The following ADAMTS2 variants were observed in gnomAD, a reference collection of about 807,000 sequenced individuals.
ADAMTS2 encodes A disintegrin and metalloproteinase with thrombospondin motifs 2.
ADAMTS2 carries 50 observed loss-of-function variants against 123.0 expected under a neutral mutation model. That is an observed-to-expected ratio of 0.41 (90% CI 0.32 to 0.51). The LOEUF (loss-of-function observed/expected upper bound fraction) is 0.51, where lower values mean the gene tolerates loss of function less well. Ranked by LOEUF, ADAMTS2 falls within the 20% of genes least tolerant of loss-of-function variation. ADAMTS2 has a pLI of 0.35. For missense variants in ADAMTS2, 1,494 were observed against 1,705.2 expected (o/e 0.88, Z 2.18); for synonymous variants, 678 against 695.4 (o/e 0.98, Z 0.39).
At chr5:179,274,540 C>T (rs185441938) in intron 2 of ADAMTS2, among the ~76,000 whole-genome samples, 1 of 152,172 alleles carries the variant, frequency 6.6e-6, no homozygotes, top group Non-Finnish European at 1.5e-5. Flanking sequence ...GAAACCACAC[C>T]CCCCCCAAAG....
chr5:179,169,061 G>A (rs1055290451), intron 5 of ADAMTS2, among the ~76,000 whole-genome samples: 1 of 152,202 alleles, frequency 6.6e-6, no homozygotes, highest in South Asian at 2.1e-4. Flanking sequence ...GGCAGAAGAG[G>A]GGCCTCCTGC....
chr5:179,310,032 C>A (rs1354727749), intron 2 of ADAMTS2, among the ~76,000 whole-genome samples: 2 of 152,166 alleles, frequency 1.3e-5, no homozygotes, highest in East Asian at 3.9e-4. Flanking sequence ...TGGGGACAGA[C>A]AAGGGTGCCC....
rs544982374 is a variant in ADAMTS2 at position 179,329,322 on chromosome 5, G to A, written c.534+14445C>T. On this transcript the variant is annotated intron_variant, in intron 2 of 21. Transcript: ENST00000251582. ...AGCCTGGGCAACAGAGTGAGACTCCGTCTCAAAAAAAAAAAAAAAAACAAA... is the reference window on the plus strand; with the variant it reads ...AGCCTGGGCAACAGAGTGAGACTCCATCTCAAAAAAAAAAAAAAAAACAAA... 6.0e-3 allele frequency among the ~76,000 whole-genome samples: 758 copies of A among 125,314 alleles called. 5 individuals carry two copies. The highest frequency in any genetic ancestry group is 0.023 in the African/African-American group (717 of 31,326). 82.2% of individuals were successfully genotyped at this position (125,314 alleles called of 152,430 possible). A position where few individuals can be genotyped will look rare whatever the true frequency, so the allele number is the denominator to read the frequency against.
intron 9 of ADAMTS2, among the ~76,000 whole-genome samples, chr5:179,152,633 C>T (rs527260460): frequency 1.3e-5 from 2 of 152,222 alleles, no homozygotes; most frequent in Non-Finnish European, 2.9e-5. Flanking sequence ...GCCCTCTCTG[C>T]AGCCTCGGCC....
At chr5:179,156,422 T>C (rs1183952331) in intron 6 of ADAMTS2, among the ~76,000 whole-genome samples, 3 of 149,376 alleles carry the variant, frequency 2.0e-5, no homozygotes, top group Non-Finnish European at 4.4e-5. Context: ...TGCAGTGGTG[T>C]GATCTCGGCT....
chr5:179,143,757 A>G (rs1179519620), intron 10 of ADAMTS2, among the ~76,000 whole-genome samples: 7 of 149,766 alleles, frequency 4.7e-5, no homozygotes, highest in African/African-American at 1.7e-4. Context: ...TGTGTGTGTG[A>G]CAAGGAGCTT....
At chr5:179,116,641 A>T (rs1762664158) in intron 21 of ADAMTS2, among the ~76,000 whole-genome samples, 1 of 152,234 alleles carries the variant, frequency 6.6e-6, no homozygotes, top group South Asian at 2.1e-4. Flanking sequence ...ATAATGCATA[A>T]AGGCATAAAA....
rs537836406 is a variant in ADAMTS2, at chr5:179,271,700, C to T, written c.688+1211G>A. Among the ~76,000 whole-genome samples the T allele has an allele frequency of 8.5e-5, 13 of 152,366 alleles. No individual in the cohort carries two copies. The East Asian group carries it at 1.7e-3, about 20-fold the overall frequency. ...TTGTCACCAAGGAACAAGGGGCCAC[C>T]GGTTGCACTGATTGGCTCCAGAGTA... On this transcript the variant is annotated intron_variant, in intron 3 of 21. Transcript: ENST00000251582.
intron 3 of ADAMTS2, among the ~76,000 whole-genome samples, chr5:179,265,949 C>T (rs1177508750): frequency 2.6e-5 from 4 of 152,206 alleles, no homozygotes; most frequent in Non-Finnish European, 4.4e-5. Context: ...GATCCAGCGC[C>T]GAGGCGCTGA....
intron 3 of ADAMTS2, among the ~76,000 whole-genome samples, chr5:179,243,186 T>C (rs1274803181): frequency 6.6e-6 from 1 of 151,372 alleles, no homozygotes; most frequent in Non-Finnish European, 1.5e-5. Flanking sequence ...CAGATCGTTA[T>C]GAGGATCTCT....
intron 2 of ADAMTS2, among the ~76,000 whole-genome samples, chr5:179,276,499 G>A (rs1766698761): frequency 6.6e-6 from 1 of 152,152 alleles, no homozygotes. Flanking sequence ...AGCGTCCAGT[G>A]ACTCGTCTGT....
At chr5:179,178,170 G>T (rs1409697964) in intron 5 of ADAMTS2, among the ~76,000 whole-genome samples, 1 of 152,240 alleles carries the variant, frequency 6.6e-6, no homozygotes, top group Admixed American at 6.5e-5. Flanking sequence ...TGGCCAGGAA[G>T]GGACAGGCTG....
chr5:179,168,778 C>T (rs535817711), intron 5 of ADAMTS2, among the ~76,000 whole-genome samples: 1 of 152,320 alleles, frequency 6.6e-6, no homozygotes, highest in South Asian at 2.1e-4. Context: ...CCGTGCCCCC[C>T]AGCTGAGTGC....
At chr5:179,217,820 G>T (rs995052367) in intron 3 of ADAMTS2, among the ~76,000 whole-genome samples, 1 of 74,080 alleles carries the variant, frequency 1.3e-5, no homozygotes, top group African/African-American at 6.7e-5. Context: ...CACTCACTAG[G>T]GGATGGCCTG....
At chr5:179,231,148 A>C (rs1384384940) in intron 3 of ADAMTS2, among the ~76,000 whole-genome samples, 1 of 152,200 alleles carries the variant, frequency 6.6e-6, no homozygotes, top group Non-Finnish European at 1.5e-5. Flanking sequence ...CCAGGCCCAG[A>C]AGGACAAATA....
chr5:179,292,174 C>T (rs1203175237), intron 2 of ADAMTS2, among the ~76,000 whole-genome samples: 1 of 151,916 alleles, frequency 6.6e-6, no homozygotes. Flanking sequence ...CAACGGAAGC[C>T]GGCATTCCCG....
At chr5:179,161,356 G>T (rs1763588664) in intron 5 of ADAMTS2, among the ~76,000 whole-genome samples, 1 of 152,226 alleles carries the variant, frequency 6.6e-6, no homozygotes, top group South Asian at 2.1e-4. Context: ...CGTGGGCCTT[G>T]TGGTTGGTTG....
chr5:179,270,200 A>T (rs1459959257), intron 3 of ADAMTS2, among the ~76,000 whole-genome samples: 1 of 152,048 alleles, frequency 6.6e-6, no homozygotes, highest in Admixed American at 6.5e-5. Flanking sequence ...CTGAGGCTCC[A>T]TGAGTCCCCG....
In ADAMTS2 at chr5:179,242,810, G is replaced by A. The variant is rs900147303; in HGVS notation, c.688+30101C>T. ...TCACCAGGATAGATGGGCCACCAGC[G>A]TTTCTCATCATCTCCAACTCCCAGT... On this transcript the variant is annotated intron_variant, in intron 3 of 21. Coordinates refer to ENST00000251582, the MANE Select transcript of ADAMTS2 (RefSeq NM_014244.5). The surrounding 1 kb of genome is among the most constrained non-coding windows in gnomAD (Gnocchi z 4.2). 9.2e-5 allele frequency among the ~76,000 whole-genome samples: 14 copies of A among 152,084 alleles called. No individual in the cohort carries two copies. The highest frequency in any genetic ancestry group is 2.2e-4 in the African/African-American group (9 of 41,402).
Sources: gnomAD v4.1 joint callset for allele counts (sites outside exome capture counted in the v4.1 genomes callset) on GRCh38, gnomAD v4.1.1 for gene constraint, Gnocchi (gnomAD v3.1) non-coding constraint, MANE v1.5 for transcripts, NCBI Gene and HGNC (gene_info 2026-07-23, HGNC 2026-07-21) for gene names.